Variants in ZNF407 observed in about 807,000 individuals in gnomAD.
The protein encoded by ZNF407 is zinc finger protein 407.
ZNF407 carries 17 observed loss-of-function variants against 131.2 expected under a neutral mutation model. The ratio of observed to expected loss-of-function variants is 0.13; its 90% CI spans 0.09 to 0.19. The LOEUF (loss-of-function observed/expected upper bound fraction) is 0.19, where lower values mean the gene tolerates loss of function less well. Ranked by LOEUF, ZNF407 falls within the 10% of genes least tolerant of loss-of-function variation. The pLI is 1.00. For synonymous variants in ZNF407, 1,156 were observed against 1,062.0 expected, an observed-to-expected ratio of 1.09 and a Z score of -1.72; for missense variants, 2,681 against 2,830.6, an observed-to-expected ratio of 0.95 and a Z score of 1.20.
chr18:74,804,815 A>C (rs1479520071), intron 4 of ZNF407, among the ~76,000 whole-genome samples: 1 of 152,188 alleles, frequency 6.6e-6, no homozygotes, highest in Non-Finnish European at 1.5e-5. Context: ...TTAAAGTAAC[A>C]CTAAGCATGT....
intron 8 of ZNF407, among the ~76,000 whole-genome samples, chr18:75,029,930 C>T (rs1353593753): frequency 2.0e-5 from 3 of 152,134 alleles, no homozygotes; most frequent in Admixed American, 6.5e-5. Flanking sequence ...TTATGAAGAA[C>T]GTGTGTGATG....
At chr18:74,919,865 A>T (rs1024513889) in intron 7 of ZNF407, among the ~76,000 whole-genome samples, 5 of 152,122 alleles carry the variant, frequency 3.3e-5, no homozygotes, top group Admixed American at 1.3e-4. Context: ...AAGCACTGGG[A>T]GAGGAGCCCA....
At chr18:74,650,886 C>T (rs532132747) in intron 3 of ZNF407, among the ~76,000 whole-genome samples, 1 of 152,146 alleles carries the variant, frequency 6.6e-6, no homozygotes, top group East Asian at 1.9e-4. Flanking sequence ...AACTACATTT[C>T]CATTTCTGTA....
At chr18:74,789,980 G>A (rs879685357) in intron 4 of ZNF407, among the ~76,000 whole-genome samples, 23 of 151,396 alleles carry the variant, frequency 1.5e-4, no homozygotes, top group Non-Finnish European at 2.8e-4. Flanking sequence ...CTGATGCCCT[G>A]GCCACTGTCT....
chr18:74,813,048 C>T (rs951046428), intron 4 of ZNF407, among the ~76,000 whole-genome samples: 1 of 152,050 alleles, frequency 6.6e-6, no homozygotes, highest in Admixed American at 6.6e-5. Flanking sequence ...TATTTTTACC[C>T]TGAATTGTTG....
In ZNF407 at chr18:75,063,980, G is replaced by A; in HGVS notation, c.6259G>A (p.Ala2087Thr). 6.2e-7 allele frequency: 1 copy of A among 1,613,422 alleles called. No homozygotes were observed. The highest frequency in any genetic ancestry group is 8.5e-7 in the Non-Finnish European group (1 of 1,179,764). Residue 2087 changes from alanine to threonine, a missense_variant, in exon 9 of 9, where the codon GCT (alanine) becomes ACT (threonine). This residue lies in a region of ZNF407 where 620 missense variants were observed against 583.1 expected (regional missense o/e 1.06). Transcript: ENST00000299687. This position sits in a 1 kb window ranked among gnomAD's most constrained non-coding sequence, Gnocchi z 6.6. ...KKMVQGVLQF[A>T]VCDTAAAGQL... ...GATGGTCCAGGGCGTCCTCCAGTTT[G>A]CTGTGTGTGACACGGCCGCGGCCGG...
chr18:74,996,234 A>G (rs906134203), intron 8 of ZNF407, among the ~76,000 whole-genome samples: 6 of 151,776 alleles, frequency 4.0e-5, no homozygotes, highest in Non-Finnish European at 7.4e-5. Context: ...GCATTTTCTT[A>G]GTTTTTCACA....
chr18:74,721,985 T>C lies in ZNF407; in HGVS notation c.4803-59443T>C, dbSNP rs372434875. ...TCAGCTCTTAATTGTATTTTTTCTT[T>C]ATATGGTATGAAGTTAGCTGTTCTT... On this transcript the variant is annotated intron_variant, in intron 3 of 8. Transcript: ENST00000299687. Among the ~76,000 whole-genome samples, 21 of 152,268 alleles carry C rather than the reference T, an allele frequency of 1.4e-4. No individual in the cohort carries two copies. The East Asian group carries it at 3.3e-3, about 24-fold the overall frequency.
chr18:75,005,163 C>T (rs1972893462), intron 8 of ZNF407, among the ~76,000 whole-genome samples: 1 of 152,134 alleles, frequency 6.6e-6, no homozygotes, highest in South Asian at 2.1e-4. Flanking sequence ...ATGGATGGAG[C>T]TGCATTTACC....
At chr18:74,618,243 A>T (rs1469185986) in intron 1 of ZNF407, among the ~76,000 whole-genome samples, 1 of 152,040 alleles carries the variant, frequency 6.6e-6, no homozygotes, top group African/African-American at 2.4e-5. Context: ...CCTTGTGCCA[A>T]CCTTGCCCCA....
At chr18:74,685,035 A>G (rs953259767) in intron 3 of ZNF407, among the ~76,000 whole-genome samples, 2 of 152,214 alleles carry the variant, frequency 1.3e-5, no homozygotes, top group Admixed American at 1.3e-4. Context: ...ACATTTTACT[A>G]TAACAGTAAC....
At chr18:74,719,268 A>G (rs1967968806) in intron 3 of ZNF407, among the ~76,000 whole-genome samples, 2 of 152,114 alleles carry the variant, frequency 1.3e-5, no homozygotes, top group Non-Finnish European at 2.9e-5. Context: ...AGAACACTAG[A>G]AAGAGTTCCT....
At chr18:74,998,610 C>T (rs1288981372) in intron 8 of ZNF407, among the ~76,000 whole-genome samples, 1 of 150,752 alleles carries the variant, frequency 6.6e-6, no homozygotes, top group East Asian at 2.0e-4. Flanking sequence ...CTCATCATCA[C>T]TGGCCATCAG....
intron 8 of ZNF407, among the ~76,000 whole-genome samples, chr18:75,002,804 CAAA>C (rs11337117): frequency 2.7e-4 from 30 of 109,894 alleles, no homozygotes; most frequent in Middle Eastern, 4.5e-3. Context: ...GACTCCGGCT[CAAA>C]AAAAAAAAAA....
At chr18:74,808,941 G>A (rs759334097) in intron 4 of ZNF407, among the ~76,000 whole-genome samples, 7 of 152,252 alleles carry the variant, frequency 4.6e-5, no homozygotes, top group Non-Finnish European at 8.8e-5. Context: ...GGGAATAAAT[G>A]TAGAATTTTT....
chr18:74,946,365 G>A (rs899481485), intron 8 of ZNF407, among the ~76,000 whole-genome samples: 3 of 152,088 alleles, frequency 2.0e-5, no homozygotes, highest in Non-Finnish European at 2.9e-5. Flanking sequence ...CCATCCCCAG[G>A]AAAAGCTAAC....
chr18:74,723,398 C>A (rs560211990), intron 3 of ZNF407, among the ~76,000 whole-genome samples: 3 of 152,198 alleles, frequency 2.0e-5, no homozygotes, highest in South Asian at 2.1e-4. Flanking sequence ...TGTACGGACT[C>A]TGGATTATGG....
chr18:74,659,653 A>G (rs1017664072), intron 3 of ZNF407, among the ~76,000 whole-genome samples: 2 of 152,194 alleles, frequency 1.3e-5, no homozygotes, highest in South Asian at 4.1e-4. Context: ...ATAATTTGTG[A>G]CAACTTCAGT....
Position 75,064,350 on chromosome 18 carries a change from C to A in ZNF407, c.6629C>A (p.Ala2210Asp). 6.3e-7 allele frequency: 1 copy of A among 1,588,628 alleles called. No individual in the cohort carries two copies. Among genetic ancestry groups the A allele is most frequent in the Non-Finnish European group, 8.6e-7 (1 of 1,168,398 alleles). The part of the protein sequence containing the change: ...LQAGATLGTE[A>D]GAPSRAEQLA... ...GCCGGGGCCACGCTAGGCACAGAGG[C>A]CGGGGCCCCAAGCAGGGCAGAGCAG... Residue 2210 changes from alanine (A) to aspartate (D), a missense_variant, in exon 9 of 9, where the codon GCC becomes GAC. Ala to Asp is a moderately radical substitution (Grantham distance 126, BLOSUM62 -2). Transcript: ENST00000299687.
Sources: allele counts gnomAD v4.1 joint callset (sites outside exome capture counted in the v4.1 genomes callset), GRCh38; gene constraint gnomAD v4.1.1; regional missense constraint gnomAD v4.1.1; non-coding constraint Gnocchi (gnomAD v3.1); transcripts MANE v1.5; gene names NCBI Gene and HGNC (gene_info 2026-07-23, HGNC 2026-07-21).